Variants in SYNPR observed in about 807,000 individuals in gnomAD.
SYNPR encodes synaptoporin.
SYNPR carries 23 observed loss-of-function variants against 32.9 expected under a neutral mutation model. The ratio of observed to expected loss-of-function variants is 0.70; its 90% confidence interval spans 0.50 to 0.99. SYNPR has a LOEUF of 0.99. Ranked by LOEUF, SYNPR falls within the 50% of genes least tolerant of loss-of-function variation. SYNPR has a pLI of 0.00. For synonymous variants in SYNPR, 146 were observed against 135.9 expected (o/e 1.07, Z -0.52); for missense variants, 318 against 349.3 (o/e 0.91, Z 0.71).
chr3:63,579,222 G>A (rs963274606), intron 4 of SYNPR, among the ~76,000 whole-genome samples: 10 of 152,014 alleles, frequency 6.6e-5, no homozygotes, highest in Admixed American at 1.3e-4. Context: ...ATAAATTAAG[G>A]TCTTCATTTC....
intron 2 of SYNPR, among the ~76,000 whole-genome samples, chr3:63,456,044 G>C (rs1217572167): frequency 6.6e-6 from 1 of 152,094 alleles, no homozygotes; most frequent in African/African-American, 2.4e-5. Flanking sequence ...ATCTTAGATG[G>C]ATGGCAGCAG....
At chr3:63,291,943 AG>A (rs1369890372) in intron 2 of SYNPR, among the ~76,000 whole-genome samples, 1 of 152,208 alleles carries the variant, frequency 6.6e-6, no homozygotes, top group Admixed American at 6.5e-5. Context: ...CATACACCAT[AG>A]AGTGTACTTA....
rs151172163 is a variant in SYNPR, at chr3:63,467,605, G to T, written c.85-13227G>T. 9.9e-4 allele frequency among the ~76,000 whole-genome samples: 151 copies of T among 152,290 alleles called. 1 individual carries two copies. Among genetic ancestry groups the T allele is most frequent in the Middle Eastern group, 3.4e-3 (1 of 294 alleles). On this transcript the variant is annotated intron_variant, in intron 2 of 5. Coordinates refer to ENST00000478300, the MANE Select transcript of SYNPR (RefSeq NM_001130003.2). ...ATGTCTGTAAAGCACTTGGCACATT[G>T]CCAGATACAAACAGAAGCTCACTAA...
intron 2 of SYNPR, among the ~76,000 whole-genome samples, chr3:63,305,152 C>T (rs2086898124): frequency 6.6e-6 from 1 of 151,938 alleles, no homozygotes; most frequent in Non-Finnish European, 1.5e-5. Context: ...ACTAAAGCCT[C>T]CAGGCAATAG....
At chr3:63,551,885 T>TGC (rs1702508304) in intron 3 of SYNPR, among the ~76,000 whole-genome samples, 1 of 150,278 alleles carries the variant, frequency 6.7e-6, no homozygotes, top group African/African-American at 2.4e-5. Context: ...ATTTATTTAT[T>TGC]TATTTATTTA....
intron 1 of SYNPR, among the ~76,000 whole-genome samples, chr3:63,232,850 C>T (rs781318335): frequency 2.0e-5 from 3 of 152,062 alleles, no homozygotes; most frequent in Non-Finnish European, 2.9e-5. Context: ...AACAAAGATG[C>T]GGAAGAGTTT....
intron 2 of SYNPR, among the ~76,000 whole-genome samples, chr3:63,460,836 G>C (rs1308891307): frequency 6.6e-6 from 1 of 152,068 alleles, no homozygotes; most frequent in Non-Finnish European, 1.5e-5. Context: ...CATGGATATA[G>C]ATGTTTGGGG....
intron 2 of SYNPR, among the ~76,000 whole-genome samples, chr3:63,298,662 T>A (rs1363259307): frequency 6.6e-6 from 1 of 152,178 alleles, no homozygotes; most frequent in Non-Finnish European, 1.5e-5. Flanking sequence ...AGTTAACTCC[T>A]GTTTTAGTTT....
chr3:63,339,174 A>G (rs1043418905), intron 2 of SYNPR, among the ~76,000 whole-genome samples: 1 of 152,164 alleles, frequency 6.6e-6, no homozygotes, highest in Non-Finnish European at 1.5e-5. Flanking sequence ...AGTTATTTTG[A>G]CATGTTGACA....
chr3:63,376,899 C>G (rs950300212), intron 2 of SYNPR, among the ~76,000 whole-genome samples: 3 of 152,082 alleles, frequency 2.0e-5, no homozygotes, highest in African/African-American at 7.2e-5. Context: ...GTTTTATTCT[C>G]TATTGTATTC....
At chr3:63,557,595 T>A (rs1046063997) in intron 4 of SYNPR, among the ~76,000 whole-genome samples, 1 of 152,246 alleles carries the variant, frequency 6.6e-6, no homozygotes, top group Non-Finnish European at 1.5e-5. Flanking sequence ...GGAGGTTTAC[T>A]ATTTTTTGGC....
intron 4 of SYNPR, among the ~76,000 whole-genome samples, chr3:63,588,739 TA>T (rs1703245841): frequency 6.6e-6 from 1 of 152,124 alleles, no homozygotes; most frequent in African/African-American, 2.4e-5. Flanking sequence ...GTTGCTTTCC[TA>T]AGCTTTCCTA....
chr3:63,303,587 G>A (rs1397977973), intron 2 of SYNPR, among the ~76,000 whole-genome samples: 2 of 151,966 alleles, frequency 1.3e-5, no homozygotes, highest in East Asian at 3.9e-4. Flanking sequence ...AGCTTAACCT[G>A]TAATCAAGTT....
chr3:63,512,567 G>C (rs1015448520), intron 3 of SYNPR, among the ~76,000 whole-genome samples: 3 of 152,108 alleles, frequency 2.0e-5, no homozygotes, highest in African/African-American at 4.8e-5. Context: ...AGAAGAGTTA[G>C]AGTCAGAGAA....
At chr3:63,256,347 G>C (rs984219718) in intron 2 of SYNPR, among the ~76,000 whole-genome samples, 1 of 152,136 alleles carries the variant, frequency 6.6e-6, no homozygotes, top group African/African-American at 2.4e-5. Flanking sequence ...ACCTCACATG[G>C]CCGGGTACTC....
At chr3:63,443,415 G>A (rs1700217589) in intron 2 of SYNPR, 1 of 1,601,930 alleles carries the variant, frequency 6.2e-7, no homozygotes, top group Non-Finnish European at 8.5e-7. Flanking sequence ...TCTTTCAGGA[G>A]AGGGAAGTTG....
intron 2 of SYNPR, among the ~76,000 whole-genome samples, chr3:63,356,884 A>G (rs780389708): frequency 3.9e-5 from 6 of 152,250 alleles, no homozygotes; most frequent in Non-Finnish European, 8.8e-5. Context: ...GAAGTCCAGT[A>G]TTACAATACA....
intron 2 of SYNPR, among the ~76,000 whole-genome samples, chr3:63,264,974 G>A (rs1053429827): frequency 1.3e-5 from 2 of 151,984 alleles, no homozygotes; most frequent in African/African-American, 2.4e-5. Flanking sequence ...CCCTTGACAC[G>A]TGGGGATTAT....
At chr3:63,492,741 G>A (rs546010449) in intron 3 of SYNPR, among the ~76,000 whole-genome samples, 4 of 152,150 alleles carry the variant, frequency 2.6e-5, no homozygotes, top group Non-Finnish European at 4.4e-5. Flanking sequence ...GCATGGGGGA[G>A]TGTGGTGGGA....
Sources: gnomAD v4.1 joint callset for allele counts (sites outside exome capture counted in the v4.1 genomes callset) on GRCh38, gnomAD v4.1.1 for gene constraint, MANE v1.5 for transcripts, NCBI Gene and HGNC (gene_info 2026-07-23, HGNC 2026-07-21) for gene names.